TPD52L2: variants seen among roughly 807,000 people sequenced by gnomAD.
TPD52L2 encodes tumor protein D54.
Under a neutral mutation model 24.7 loss-of-function variants are expected in TPD52L2, and 19 were observed. The observed-to-expected ratio is 0.77, with a 90% CI of 0.54 to 1.13. TPD52L2 has a LOEUF of 1.13. TPD52L2 is among the 50% of genes most tolerant of loss of function. The probability of loss-of-function intolerance (pLI) is 0.00; values close to 1 mark genes in which losing one functional copy is unlikely to be tolerated. For synonymous variants in TPD52L2, 104 were observed against 100.2 expected, an observed-to-expected ratio of 1.04 and a Z score of -0.23; for missense variants, 236 against 250.4, an observed-to-expected ratio of 0.94 and a Z score of 0.39.
chr20:63,886,933 G>A lies in TPD52L2; in HGVS notation c.477-2257G>A, dbSNP rs181855641. 260 of 160,382 alleles carry A rather than the reference G, an allele frequency of 1.6e-3. 1 individual carries two copies. In the Middle Eastern group the frequency reaches 0.023, roughly 14 times the overall value. The allele number at this position is 160,382 out of a possible 1,614,324, so 9.9% of individuals were successfully genotyped here. A position where few individuals can be genotyped will look rare whatever the true frequency, so the allele number is the denominator to read the frequency against. ...GCTGGGATTACAGGCGTGAGCCACT[G>A]CGCCGGGCCCTCAAAGGAGCCTTTT... On this transcript the variant is annotated intron_variant, in intron 5 of 6. Transcript: ENST00000346249.
rs1396150281 is a variant in TPD52L2, at chr20:63,890,326, ACTT to A, written c.*386_*388del. 1.1e-5 allele frequency: 3 copies of A among 282,900 alleles called. No individual in the cohort carries two copies. Among genetic ancestry groups the A allele is most frequent in the Non-Finnish European group, 2.0e-5 (3 of 152,290 alleles). 17.5% of individuals were successfully genotyped at this position (282,900 alleles called of 1,614,324 possible). On this transcript the variant is annotated 3_prime_UTR_variant, in exon 7 of 7. Coordinates refer to ENST00000346249, the MANE Select transcript of TPD52L2 (RefSeq NM_003288.4). The stretch of plus-strand genomic sequence containing the variant: ...AGCATAAAATAAGTGGCATTTTCTG[ACTT>A]CTTCCTCCTCCTCCTTCCCTGACTC...
intron 4 of TPD52L2, 61 bp from the exon 5 acceptor site, chr20:63,882,658 C>A: frequency 1.5e-6 from 2 of 1,378,272 alleles, no homozygotes; most frequent in Non-Finnish European, 2.1e-6. Context: ...GCTTTGTTTG[C>A]TTGGCTGTGG....
At chr20:63,874,237 T>C (rs1344897870) in intron 3 of TPD52L2, among the ~76,000 whole-genome samples, 5 of 146,776 alleles carry the variant, frequency 3.4e-5, no homozygotes, top group African/African-American at 1.3e-4. Flanking sequence ...TTTGTGTGTG[T>C]GTGTGTGTGT....
chr20:63,870,520 GTTTTTTTTTTT>G (rs959786861), intron 2 of TPD52L2, among the ~76,000 whole-genome samples: 17 of 94,524 alleles, frequency 1.8e-4, no homozygotes, highest in Non-Finnish European at 2.7e-4. Flanking sequence ...ATAAGGTGAA[GTTTTTTTTTTT>G]TTTTTTTTTT....
At chr20:63,867,594 A>C (rs553753476) in intron 1 of TPD52L2, among the ~76,000 whole-genome samples, 1 of 152,136 alleles carries the variant, frequency 6.6e-6, no homozygotes, top group East Asian at 1.9e-4. Context: ...CAGTGGATAA[A>C]AAAGTGGATA....
chr20:63,882,911 A>G lies in TPD52L2; in HGVS notation c.476+91A>G, dbSNP rs2052955873. On this transcript the variant is annotated intron_variant, in intron 5 of 6. Transcript: ENST00000346249. Reference sequence around the variant, plus strand: ...GCTACAGGAAGCCTGCCTGGAGATCAGGGCTCAGATGCACTGGCTCAGGGA... The same window carrying G: ...GCTACAGGAAGCCTGCCTGGAGATCGGGGCTCAGATGCACTGGCTCAGGGA... 6.2e-6 allele frequency: 6 copies of G among 974,020 alleles called. No individual in the cohort carries two copies. In the East Asian group the frequency reaches 1.5e-4, roughly 25 times the overall value. 60.3% of individuals were successfully genotyped at this position (974,020 alleles called of 1,614,324 possible).
chr20:63,867,601 G>A (rs2146171220), intron 1 of TPD52L2, among the ~76,000 whole-genome samples: 1 of 152,000 alleles, frequency 6.6e-6, no homozygotes, highest in East Asian at 1.9e-4. Context: ...TAAAAAAGTG[G>A]ATACGCTTCG....
chr20:63,885,643 T>G (rs1487410944), intron 5 of TPD52L2, among the ~76,000 whole-genome samples: 1 of 152,192 alleles, frequency 6.6e-6, no homozygotes, highest in Non-Finnish European at 1.5e-5. Context: ...ATTTCACACC[T>G]TTGCGCTGCT....
At chr20:63,878,682 CAGGAG>C (rs1348589942) in intron 4 of TPD52L2, among the ~76,000 whole-genome samples, 1 of 152,198 alleles carries the variant, frequency 6.6e-6, no homozygotes, top group Non-Finnish European at 1.5e-5. Context: ...GAGACAGACT[CAGGAG>C]AGGGGGAGTG....
chr20:63,870,523 T>TG (rs1160865002), intron 2 of TPD52L2, among the ~76,000 whole-genome samples: 7 of 129,226 alleles, frequency 5.4e-5, no homozygotes, highest in African/African-American at 2.1e-4. Flanking sequence ...AGGTGAAGTT[T>TG]TTTTTTTTTT....
At position 63,877,727 on chromosome 20, in the gene TPD52L2, C is replaced by T. The variant is rs2146211162; in HGVS notation, c.374+1852C>T. Among the ~76,000 whole-genome samples, 1 of 152,390 alleles carries T rather than the reference C, an allele frequency of 6.6e-6. No individual in the cohort carries two copies. Among genetic ancestry groups the T allele is most frequent in the East Asian group, 1.9e-4 (1 of 5,186 alleles). ...CTTATTACAACACTCAGCGTCCCGACCCCTCTGGAGAAACCTGTGGCTCAG... is the reference window on the plus strand; with the variant it reads ...CTTATTACAACACTCAGCGTCCCGATCCCTCTGGAGAAACCTGTGGCTCAG... On this transcript the variant is annotated intron_variant, in intron 4 of 6. Coordinates refer to ENST00000346249, the MANE Select transcript of TPD52L2 (RefSeq NM_003288.4). The surrounding 1 kb of genome is among the most constrained non-coding windows in gnomAD (Gnocchi z 4.1).
intron 2 of TPD52L2, among the ~76,000 whole-genome samples, chr20:63,870,520 G>GTTTTTTTTTTTTTTTTT (rs959786861): frequency 3.2e-5 from 3 of 94,522 alleles, no homozygotes; most frequent in Non-Finnish European, 5.8e-5. Flanking sequence ...ATAAGGTGAA[G>GTTTTTTTTTTTTTTTTT]TTTTTTTTTT....
chr20:63,869,458 G>C lies in TPD52L2; in HGVS notation c.165+17G>C. On this transcript the variant is annotated intron_variant, in intron 2 of 6. Coordinates refer to ENST00000346249, the MANE Select transcript of TPD52L2 (RefSeq NM_003288.4). ...CTTACCAAGGTGCTGTGGCTTGGCT[G>C]TCTGTCCTGGGGTGAATTGGAGTTA... The C allele has an allele frequency of 6.2e-7, 1 of 1,613,578 alleles. No homozygotes were observed. Among genetic ancestry groups the C allele is most frequent in the South Asian group, 1.1e-5 (1 of 91,070 alleles).
intron 5 of TPD52L2, chr20:63,886,090 G>A (rs368104781): frequency 1.1e-4 from 171 of 1,598,588 alleles, no homozygotes; most frequent in Non-Finnish European, 1.3e-4. Flanking sequence ...CTCTGAATTG[G>A]GGCAGGGTGG....
At chr20:63,881,767 G>T (rs1242215974) in intron 4 of TPD52L2, among the ~76,000 whole-genome samples, 1 of 152,206 alleles carries the variant, frequency 6.6e-6, no homozygotes, top group East Asian at 1.9e-4. Context: ...GGGAGGAGCC[G>T]TGATAAGGTG....
At chr20:63,889,711 C>G (rs989250968) in intron 6 of TPD52L2, 139 bp from the exon 7 acceptor site, 11 of 783,452 alleles carry the variant, frequency 1.4e-5, no homozygotes, top group Middle Eastern at 2.4e-4. Flanking sequence ...GGTGCCCGTC[C>G]GTGATTTGCT....
intron 5 of TPD52L2, among the ~76,000 whole-genome samples, chr20:63,886,270 TC>T (rs2053094860): frequency 6.6e-6 from 1 of 151,506 alleles, no homozygotes; most frequent in Admixed American, 6.6e-5. Context: ...CTGTGTCCCC[TC>T]CTCGTGCTTC....
intron 3 of TPD52L2, among the ~76,000 whole-genome samples, chr20:63,874,061 A>T (rs969891817): frequency 2.0e-5 from 3 of 151,564 alleles, no homozygotes; most frequent in East Asian, 1.9e-4. Flanking sequence ...CTTTATTATT[A>T]TTTTTTTTGA....
chr20:63,871,860 C>T (rs2052478723), intron 2 of TPD52L2, among the ~76,000 whole-genome samples: 2 of 152,114 alleles, frequency 1.3e-5, no homozygotes, highest in South Asian at 4.2e-4. Context: ...TCTCGGACTC[C>T]TGACCTCAGG....
Sources: allele counts gnomAD v4.1 joint callset (sites outside exome capture counted in the v4.1 genomes callset), GRCh38; gene constraint gnomAD v4.1.1; non-coding constraint Gnocchi (gnomAD v3.1); transcripts MANE v1.5; gene names NCBI Gene and HGNC (gene_info 2026-07-23, HGNC 2026-07-21).